The following IQSEC1 variants were observed in gnomAD, a reference collection of about 807,000 sequenced individuals.
IQSEC1 encodes the protein IQ motif and Sec7 domain ArfGEF 1, also known as IQ motif and SEC7 domain-containing protein 1.
IQSEC1 carries 31 observed loss-of-function variants against 91.0 expected under a neutral mutation model. The ratio of observed to expected loss-of-function variants is 0.34; its 90% confidence interval spans 0.26 to 0.46. The LOEUF is 0.46. IQSEC1 is among the 20% of genes least tolerant of loss of function. IQSEC1 has a pLI of 1.00. For missense variants in IQSEC1, 1,388 were observed against 1,575.6 expected (o/e 0.88, Z 2.02); for synonymous variants, 699 against 662.6 (o/e 1.05, Z -0.84).
intron 1 of IQSEC1, among the ~76,000 whole-genome samples, chr3:12,959,387 G>A (rs1700108249): frequency 6.6e-6 from 1 of 152,182 alleles, no homozygotes; most frequent in African/African-American, 2.4e-5. Context: ...CGATGAGAGA[G>A]GCTGACAGCC....
chr3:13,150,509 T>G (rs917718214), intron 2 of IQSEC1, among the ~76,000 whole-genome samples: 1 of 152,204 alleles, frequency 6.6e-6, no homozygotes, highest in Non-Finnish European at 1.5e-5. Context: ...TATTAGAATC[T>G]GCAGACACCA....
chr3:13,092,884 G>T, intron 2 of IQSEC1, among the ~76,000 whole-genome samples: 1 of 152,036 alleles, frequency 6.6e-6, no homozygotes, highest in East Asian at 1.9e-4. Flanking sequence ...CGAGTCCCGG[G>T]GCCTTTGCCC....
chr3:12,964,971 C>T (rs1700469747), intron 1 of IQSEC1, among the ~76,000 whole-genome samples: 1 of 152,182 alleles, frequency 6.6e-6, no homozygotes, highest in Non-Finnish European at 1.5e-5. Flanking sequence ...TGAACTGAAG[C>T]TGTGTAAATA....
chr3:13,136,019 G>A (rs376851165), intron 2 of IQSEC1, among the ~76,000 whole-genome samples: 1 of 152,234 alleles, frequency 6.6e-6, no homozygotes, highest in East Asian at 1.9e-4. Context: ...GGGCGGTGCA[G>A]ACCCAGCCCT....
chr3:13,127,993 C>CTG (rs1276708018), intron 2 of IQSEC1, among the ~76,000 whole-genome samples: 1 of 152,218 alleles, frequency 6.6e-6, no homozygotes. Flanking sequence ...TGCGTTGATT[C>CTG]TGTGTGTGTG....
intron 1 of IQSEC1, among the ~76,000 whole-genome samples, chr3:13,063,500 G>A (rs1705135964): frequency 2.0e-5 from 3 of 152,204 alleles, no homozygotes; most frequent in Non-Finnish European, 4.4e-5. Flanking sequence ...GAGGAGGGCA[G>A]GAGTGGCCGT....
chr3:13,099,449 G>C, intron 2 of IQSEC1, among the ~76,000 whole-genome samples: 1 of 152,140 alleles, frequency 6.6e-6, no homozygotes, highest in East Asian at 1.9e-4. Flanking sequence ...AGTGAAGGTG[G>C]TGCTGCTCAG....
intron 1 of IQSEC1, among the ~76,000 whole-genome samples, chr3:13,267,210 T>C (rs1349645193): frequency 6.6e-6 from 1 of 152,144 alleles, no homozygotes; most frequent in Non-Finnish European, 1.5e-5. Flanking sequence ...GAAGACACCA[T>C]CTATAAACTG....
intron 1 of IQSEC1, among the ~76,000 whole-genome samples, chr3:13,043,040 G>A (rs1704343418): frequency 6.6e-6 from 1 of 152,174 alleles, no homozygotes; most frequent in Non-Finnish European, 1.5e-5. Flanking sequence ...AAGACTGACA[G>A]GGTCGCCCAG....
intron 1 of IQSEC1, among the ~76,000 whole-genome samples, chr3:13,025,010 CT>C (rs1388272082): frequency 1.3e-5 from 2 of 152,252 alleles, no homozygotes. Context: ...CTCAACATCA[CT>C]GTCTGCAGGA....
rs750383969 is a variant in IQSEC1 at position 13,002,059 on chromosome 3, C to A, written c.24-60194G>T. 2.6e-5 allele frequency among the ~76,000 whole-genome samples: 4 copies of A among 151,966 alleles called. No individual in the cohort carries two copies. The East Asian group carries it at 7.7e-4, about 29-fold the overall frequency. ...CTGTGCTCTAGCCTGGGTGACAGAACAAGACTCCATCTGGAAACAAACAAA... is the reference window on the plus strand; with the variant it reads ...CTGTGCTCTAGCCTGGGTGACAGAAAAAGACTCCATCTGGAAACAAACAAA... On this transcript the variant is annotated intron_variant, in intron 1 of 13. Coordinates refer to ENST00000613206, the MANE Select transcript of IQSEC1 (RefSeq NM_001134382.3).
chr3:12,985,051 C>G (rs1447411857), intron 1 of IQSEC1, among the ~76,000 whole-genome samples: 1 of 152,110 alleles, frequency 6.6e-6, no homozygotes, highest in East Asian at 1.9e-4. Context: ...GTCTCGATCT[C>G]CTGACCTCGT....
At chr3:13,051,440 C>G (rs1286854492) in intron 1 of IQSEC1, among the ~76,000 whole-genome samples, 2 of 152,132 alleles carry the variant, frequency 1.3e-5, no homozygotes, top group African/African-American at 2.4e-5. Context: ...AGGAGAGCAG[C>G]CCCAGGGAAT....
rs544521589 is a variant in IQSEC1 at position 13,232,711 on chromosome 3, T to G, written c.272+50000A>C. 2.6e-5 allele frequency among the ~76,000 whole-genome samples: 4 copies of G among 152,272 alleles called. No homozygotes were observed. The South Asian group carries it at 8.3e-4, about 32-fold the overall frequency. On this transcript the variant is annotated intron_variant, in intron 1 of 15. Transcript: ENST00000648114. The stretch of plus-strand genomic sequence containing the variant: ...AATAATGATAAAATTATGTATTAAA[T>G]ATTATTAGGTAATAAATAAAGAGTA...
chr3:13,010,737 G>T (rs910170556), intron 1 of IQSEC1, among the ~76,000 whole-genome samples: 10 of 152,098 alleles, frequency 6.6e-5, no homozygotes, highest in African/African-American at 2.4e-4. Flanking sequence ...AAAACTCCCT[G>T]CTCAAAAGCT....
At chr3:13,061,469 G>C (rs1193121145) in intron 1 of IQSEC1, among the ~76,000 whole-genome samples, 1 of 152,204 alleles carries the variant, frequency 6.6e-6, no homozygotes, top group Admixed American at 6.5e-5. Context: ...AAGCAAGAGG[G>C]GGATGTGCCA....
chr3:12,945,500 C>T (rs1349746060), intron 1 of IQSEC1, among the ~76,000 whole-genome samples: 1 of 148,590 alleles, frequency 6.7e-6, no homozygotes, highest in Non-Finnish European at 1.5e-5. Context: ...ATAGCATCAG[C>T]TTGTGCAATG....
In IQSEC1 at chr3:12,920,604, C is replaced by T; in HGVS notation, c.1854-8G>A. On this transcript the variant is annotated splice_region_variant and splice_polypyrimidine_tract_variant and intron_variant, in intron 5 of 13. Coordinates refer to ENST00000613206, the MANE Select transcript of IQSEC1 (RefSeq NM_001134382.3). ...CAGATGCAGTAGCGCTGGCTGCGGG[C>T]CGGGAGGGAGGGGGTCAGGGCCATG... is the stretch of plus-strand genomic sequence containing the variant. The T allele has an allele frequency of 1.2e-6, 2 of 1,613,614 alleles. No homozygotes were observed. The highest frequency in any genetic ancestry group is 1.1e-5 in the South Asian group (1 of 91,080).
rs1702723466 is a variant in IQSEC1 at position 13,008,292 on chromosome 3, T to A, written c.23+64700A>T. 6.6e-6 allele frequency among the ~76,000 whole-genome samples: 1 copy of A among 151,686 alleles called. No individual in the cohort carries two copies. Among genetic ancestry groups the A allele is most frequent in the Non-Finnish European group, 1.5e-5 (1 of 67,578 alleles). ...TCGAAGCTCAGAGGTGAGCCTCAGC[T>A]GACCCTCCCTCCAGCAAATGTTTAG... is the stretch of plus-strand genomic sequence containing the variant. On this transcript the variant is annotated intron_variant, in intron 1 of 13. Transcript: ENST00000613206. This position sits in a 1 kb window ranked among gnomAD's most constrained non-coding sequence, Gnocchi z 4.1.
Sources: gnomAD v4.1 joint callset for allele counts (sites outside exome capture counted in the v4.1 genomes callset) on GRCh38, gnomAD v4.1.1 for gene constraint, Gnocchi (gnomAD v3.1) non-coding constraint, MANE v1.5 for transcripts, NCBI Gene and HGNC (gene_info 2026-07-23, HGNC 2026-07-21) for gene names.